The following RBMS3 variants were observed in gnomAD, a reference collection of about 807,000 sequenced individuals.
RBMS3 encodes RNA-binding motif, single-stranded-interacting protein 3.
In RBMS3, 27 loss-of-function variants were observed where a neutral mutation model predicts 66.8. The ratio of observed to expected loss-of-function variants is 0.40; its 90% CI spans 0.30 to 0.56. The LOEUF is 0.56. Among genes scored for constraint, RBMS3 ranks in the 20% least tolerant of loss-of-function variants. The pLI is 0.40. For synonymous variants in RBMS3, 188 were observed against 183.0 expected (o/e 1.03, Z -0.22); for missense variants, 513 against 549.5 (o/e 0.93, Z 0.66).
At chr3:29,765,782 C>T (rs1161994360) in intron 6 of RBMS3, 1 of 152,688 alleles carries the variant, frequency 6.5e-6, no homozygotes, top group Non-Finnish European at 1.5e-5. Context: ...AAGACACATC[C>T]AAGACTGGGC....
intron 6 of RBMS3, 37 bp from the exon 7 acceptor site, chr3:29,868,821 G>T: frequency 1.3e-6 from 2 of 1,500,104 alleles, no homozygotes; most frequent in South Asian, 1.2e-5. Context: ...TTTTAAGGGG[G>T]AGTTGTTAAT....
intron 1 of RBMS3, among the ~76,000 whole-genome samples, chr3:29,303,944 C>T (rs752675621): frequency 1.3e-5 from 2 of 151,862 alleles, no homozygotes; most frequent in Non-Finnish European, 2.9e-5. Flanking sequence ...AAGCGGAAAC[C>T]CCTGTTAAAA....
intron 4 of RBMS3, among the ~76,000 whole-genome samples, chr3:29,663,084 G>A (rs542502245): frequency 6.6e-6 from 1 of 152,194 alleles, no homozygotes; most frequent in East Asian, 1.9e-4. Context: ...TGGTTGGTTG[G>A]TTTTTAAACA....
chr3:29,710,519 C>A (rs909887893), intron 4 of RBMS3, among the ~76,000 whole-genome samples: 1 of 152,176 alleles, frequency 6.6e-6, no homozygotes, highest in South Asian at 2.1e-4. Flanking sequence ...GCAGGCACAG[C>A]ATTCGGGGTC....
chr3:29,323,712 AC>A (rs2035148224), intron 1 of RBMS3, among the ~76,000 whole-genome samples: 1 of 150,652 alleles, frequency 6.6e-6, no homozygotes, highest in African/African-American at 2.4e-5. Context: ...ACACACACAC[AC>A]ACACACACAC....
intron 1 of RBMS3, among the ~76,000 whole-genome samples, chr3:29,418,617 A>T (rs1297318146): frequency 6.6e-6 from 1 of 152,098 alleles, no homozygotes. Context: ...TTTCGGCATT[A>T]AAAAAAGAGC....
At chr3:29,895,380 G>A (rs2060103029) in intron 8 of RBMS3, among the ~76,000 whole-genome samples, 1 of 151,424 alleles carries the variant, frequency 6.6e-6, no homozygotes, top group African/African-American at 2.4e-5. Context: ...CAATCAAGAT[G>A]TAGAACAGGT....
chr3:29,961,828 C>A (rs1476428670), intron 12 of RBMS3, among the ~76,000 whole-genome samples: 1 of 151,618 alleles, frequency 6.6e-6, no homozygotes, highest in African/African-American at 2.4e-5. Context: ...ATGGGAACTA[C>A]AATTCAAGAT....
At chr3:29,651,216 C>G (rs535998573) in intron 4 of RBMS3, among the ~76,000 whole-genome samples, 2 of 152,288 alleles carry the variant, frequency 1.3e-5, no homozygotes, top group Admixed American at 6.5e-5. Flanking sequence ...GCATAGGACT[C>G]TACCTGCCTG....
chr3:29,615,985 T>C (rs532411057), intron 4 of RBMS3: 2 of 152,234 alleles, frequency 1.3e-5, no homozygotes, highest in South Asian at 2.1e-4. Context: ...AGGAATTCAG[T>C]TGAGGGAAAG....
intron 6 of RBMS3, among the ~76,000 whole-genome samples, chr3:29,799,679 A>G (rs1006572213): frequency 6.6e-6 from 1 of 152,214 alleles, no homozygotes; most frequent in Non-Finnish European, 1.5e-5. Context: ...ATTTTAATAC[A>G]TTTAAAGTAT....
chr3:29,899,245 C>T (rs2060196935), intron 9 of RBMS3, among the ~76,000 whole-genome samples: 1 of 151,678 alleles, frequency 6.6e-6, no homozygotes, highest in Admixed American at 6.6e-5. Flanking sequence ...TTAGCTCTTA[C>T]CACAACTTTT....
At chr3:29,423,242 C>T (rs985566221) in intron 1 of RBMS3, among the ~76,000 whole-genome samples, 1 of 152,218 alleles carries the variant, frequency 6.6e-6, no homozygotes. Context: ...CACATTTACT[C>T]TGTACCTACA....
At chr3:29,590,935 C>T (rs1444137412) in intron 4 of RBMS3, among the ~76,000 whole-genome samples, 2 of 151,998 alleles carry the variant, frequency 1.3e-5, no homozygotes, top group Admixed American at 1.3e-4. Flanking sequence ...ACAGTTAATC[C>T]AGGAAAAAGA....
At chr3:29,489,350 G>A (rs1471481294) in intron 3 of RBMS3, among the ~76,000 whole-genome samples, 1 of 151,838 alleles carries the variant, frequency 6.6e-6, no homozygotes, top group Non-Finnish European at 1.5e-5. Flanking sequence ...TTGCATAATG[G>A]TAGTCAGATT....
At chr3:29,474,269 T>C (rs2042869983) in intron 2 of RBMS3, among the ~76,000 whole-genome samples, 1 of 152,268 alleles carries the variant, frequency 6.6e-6, no homozygotes, top group African/African-American at 2.4e-5. Context: ...CAGTTTGTTA[T>C]TCTCATAGTG....
chr3:29,629,191 ATCTACTT>A (rs1052050821), intron 4 of RBMS3, among the ~76,000 whole-genome samples: 2 of 152,298 alleles, frequency 1.3e-5, no homozygotes. Flanking sequence ...TGATGGGACT[ATCTACTT>A]TCTACTTTAA....
At chr3:29,960,932 A>G (rs1696390846) in intron 12 of RBMS3, among the ~76,000 whole-genome samples, 1 of 151,752 alleles carries the variant, frequency 6.6e-6, no homozygotes, top group Non-Finnish European at 1.5e-5. Context: ...TGCTATGTAG[A>G]CCTCTGACAT....
chr3:29,797,818 G>C (rs903915834), intron 6 of RBMS3: 1 of 152,170 alleles, frequency 6.6e-6, no homozygotes, highest in African/African-American at 2.4e-5. Context: ...TATGTAAATA[G>C]AGGGCATTTG....
Sources: gnomAD v4.1 joint callset for allele counts (sites outside exome capture counted in the v4.1 genomes callset) on GRCh38, gnomAD v4.1.1 for gene constraint, MANE v1.5 for transcripts, NCBI Gene and HGNC (gene_info 2026-07-23, HGNC 2026-07-21) for gene names.